The following AQP4 variants were observed in gnomAD, a reference collection of about 807,000 sequenced individuals.
AQP4 encodes aquaporin-4.
AQP4 carries 18 observed loss-of-function variants against 27.8 expected under a neutral mutation model. The observed-to-expected ratio is 0.65, with a 90% CI of 0.45 to 0.96. AQP4 has a LOEUF of 0.96. Ranked by LOEUF, AQP4 falls within the 40% of genes least tolerant of loss-of-function variation. The pLI is 0.00. For missense variants in AQP4, 412 were observed against 408.2 expected (o/e 1.01, Z -0.08); for synonymous variants, 141 against 142.9 (o/e 0.99, Z 0.10).
In AQP4 at chr18:26,853,561, T is replaced by G. The variant is rs1266606856; in HGVS notation, c.*2650A>C. 3 of 152,420 alleles carry G rather than the reference T, an allele frequency of 2.0e-5. No homozygotes were observed. 9.4% of individuals were successfully genotyped at this position (152,420 alleles called of 1,614,324 possible). A position where few individuals can be genotyped will look rare whatever the true frequency, so the allele number is the denominator to read the frequency against. ...TTCATGGCTGGGTATAATTCATTTA[T>G]GTCTTCCCAGTTTTTCCTCTCTGAT... is the stretch of plus-strand genomic sequence containing the variant. On this transcript the variant is annotated 3_prime_UTR_variant, in exon 5 of 5. Transcript: ENST00000383168.
At position 26,862,524 on chromosome 18, in the gene AQP4, C is replaced by G. The variant is rs1269230456; in HGVS notation, c.105G>C (p.Trp35Cys). The G allele has an allele frequency of 1.9e-6, 3 of 1,614,174 alleles. No homozygotes were observed. The highest frequency in any genetic ancestry group is 2.5e-6 in the Non-Finnish European group (3 of 1,180,040). The change falls in exon 2 of 5, where the codon TGG becomes TGC. Residue 35 changes from tryptophan to cysteine, a missense_variant. Coordinates refer to ENST00000383168, the MANE Select transcript of AQP4 (RefSeq NM_001650.7). ...AFKGVWTQAF[W>C]KAVTAEFLAM... ...CCAGAAATTCCGCTGTGACTGCTTT[C>G]CAGAAAGCTTGAGTCCAGACCCCTT...
chr18:26,861,030 G>A, intron 3 of AQP4, 101 bp downstream of exon 3: 1 of 1,466,292 alleles, frequency 6.8e-7, no homozygotes, highest in Admixed American at 1.7e-5. Flanking sequence ...GTCATGGCTG[G>A]ATACTAAAGA....
intron 4 of AQP4, among the ~76,000 whole-genome samples, chr18:26,859,565 A>C (rs890331309): frequency 3.3e-5 from 5 of 152,156 alleles, no homozygotes; most frequent in African/African-American, 1.2e-4. Flanking sequence ...AAAAATTTCC[A>C]TTTCTGTTAA....
Position 26,863,620 on chromosome 18 carries a change from G to A in AQP4, c.33-1024C>T, listed in dbSNP as rs534766701. Among the ~76,000 whole-genome samples, 6 of 152,354 alleles carry A rather than the reference G, an allele frequency of 3.9e-5. 1 individual carries two copies. The highest frequency in any genetic ancestry group is 1.4e-4 in the African/African-American group (6 of 41,594). On this transcript the variant is annotated intron_variant, in intron 1 of 4. Coordinates refer to ENST00000383168, the MANE Select transcript of AQP4 (RefSeq NM_001650.7). The stretch of plus-strand genomic sequence containing the variant: ...AATGCAGATAAACCTGCCAAAGGGA[G>A]CCTGGAGGCTGGGGTGTGCCAGCAA...
intron 1 of AQP4, among the ~76,000 whole-genome samples, chr18:26,863,664 GC>G (rs896190458): frequency 1.3e-5 from 2 of 152,230 alleles, no homozygotes; most frequent in Non-Finnish European, 2.9e-5. Flanking sequence ...TACCTTTCCT[GC>G]CTTCATGGTG....
intron 4 of AQP4, among the ~76,000 whole-genome samples, 165 bp from the exon 5 acceptor site, chr18:26,856,654 CA>C (rs2054850836): frequency 6.6e-6 from 1 of 152,186 alleles, no homozygotes; most frequent in Non-Finnish European, 1.5e-5. Flanking sequence ...AAAGCCTCAT[CA>C]GAGATCCATA....
chr18:26,856,906 G>A (rs1486527489), intron 4 of AQP4, among the ~76,000 whole-genome samples: 1 of 152,038 alleles, frequency 6.6e-6, no homozygotes, highest in African/African-American at 2.4e-5. Flanking sequence ...GCACAATCAT[G>A]ATCATAACAC....
chr18:26,864,844 C>G (rs577218577), intron 1 of AQP4, among the ~76,000 whole-genome samples: 1 of 152,086 alleles, frequency 6.6e-6, no homozygotes, highest in Non-Finnish European at 1.5e-5. Context: ...AAAAGGCCAG[C>G]CCCGCTGCTC....
At position 26,861,251 on chromosome 18, in the gene AQP4, C is replaced by T. The variant is rs1839318; in HGVS notation, c.492G>A (p.Leu164=). The change falls in exon 3 of 5, where the codon TTG becomes TTA. Residue 164 remains leucine, a synonymous_variant. Coordinates refer to ENST00000383168, the MANE Select transcript of AQP4 (RefSeq NM_001650.7). The part of the protein sequence containing the change: ...LTAGHGLLVE[L]IITFQLVFTI... Reference sequence around the variant, plus strand: ...TAAACACCAATTGAAATGTGATTATCAACTCAACCAGGAGACCATGACCAG... The same window carrying T: ...TAAACACCAATTGAAATGTGATTATTAACTCAACCAGGAGACCATGACCAG... The T allele has an allele frequency of 0.023, 37,684 of 1,614,006 alleles. 799 individuals are homozygous for T. The highest frequency in any genetic ancestry group is 0.095 in the South Asian group (8,631 of 91,076).
Position 26,862,224 on chromosome 18 carries a change from C to T in AQP4, c.405G>A (p.Leu135=), listed in dbSNP as rs760933830. ...GAIIGAGILY[L]VTPPSVVGGL... ...CTCCCACCACACTGGGAGGTGTGAC[C>T]AGATAGAGGATTCCTGCTCCAATGA... The change falls in exon 2 of 5, where the codon CTG becomes CTA. Residue 135 remains leucine (L), a synonymous_variant. Transcript: ENST00000383168. 1.9e-6 allele frequency: 3 copies of T among 1,614,080 alleles called. No individual in the cohort carries two copies. The highest frequency in any genetic ancestry group is 1.7e-6 in the Non-Finnish European group (2 of 1,180,024).
Position 26,862,330 on chromosome 18 carries a change from A to T in AQP4, c.299T>A (p.Val100Glu). 6.2e-7 allele frequency: 1 copy of T among 1,614,152 alleles called. No individual in the cohort carries two copies. The highest frequency in any genetic ancestry group is 1.1e-5 in the South Asian group (1 of 91,078). Residue 100 changes from valine to glutamate, a missense_variant, in exon 2 of 5, where the codon GTG becomes GAG. Val to Glu is a moderately radical substitution (Grantham distance 121). Coordinates refer to ENST00000383168, the MANE Select transcript of AQP4 (RefSeq NM_001650.7). ...HISGGHINPA[V>E]TVAMVCTRKI... The stretch of plus-strand genomic sequence containing the variant: ...CCTGGTGCACACCATGGCCACAGTC[A>T]CTGCAGGGTTGATGTGGCCACCGCT...
chr18:26,861,429 G>C, intron 2 of AQP4, 134 bp from the exon 3 acceptor site: 1 of 843,092 alleles, frequency 1.2e-6, no homozygotes, highest in Non-Finnish European at 1.9e-6. Context: ...CTTCAACTGA[G>C]AATTTCCTTC....
At position 26,856,230 on chromosome 18, in the gene AQP4, T is replaced by C; in HGVS notation, c.953A>G (p.Glu318Gly). Residue 318 changes from glutamate (E) to glycine (G), a missense_variant, in exon 5 of 5, where the codon GAG becomes GGG. Glu to Gly is a moderately conservative substitution (Grantham distance 98). Transcript: ENST00000383168. The stretch of plus-strand genomic sequence containing the variant: ...TTCTAGTCATACTGAAGACAATACC[T>C]CTCCAGATTGGTCTTTCCCCTTCTT... Reference protein sequence around the residue: ...EEKKGKDQSGEVLSSV With the variant: ...EEKKGKDQSGGVLSSV 6.2e-7 allele frequency: 1 copy of C among 1,614,168 alleles called. No individual in the cohort carries two copies. The highest frequency in any genetic ancestry group is 8.5e-7 in the Non-Finnish European group (1 of 1,180,024).
At chr18:26,857,964 G>C (rs2054873666) in intron 4 of AQP4, among the ~76,000 whole-genome samples, 1 of 152,158 alleles carries the variant, frequency 6.6e-6, no homozygotes, top group African/African-American at 2.4e-5. Context: ...TTTCAGACCT[G>C]TCTGACTTCA....
At chr18:26,860,679 G>T (rs558251398) in intron 4 of AQP4, 93 bp downstream of exon 4, 36 of 1,130,610 alleles carry the variant, frequency 3.2e-5, no homozygotes, top group Non-Finnish European at 4.0e-5. Context: ...AAATGCAAGA[G>T]AAAGTAGTAG....
At chr18:26,864,008 A>G (rs2055010668) in intron 1 of AQP4, among the ~76,000 whole-genome samples, 1 of 149,946 alleles carries the variant, frequency 6.7e-6, no homozygotes, top group African/African-American at 2.5e-5. Flanking sequence ...GGGGGGGGGC[A>G]ATTACCCCAG....
At chr18:26,856,750 T>G (rs971084440) in intron 4 of AQP4, among the ~76,000 whole-genome samples, 4 of 152,250 alleles carry the variant, frequency 2.6e-5, no homozygotes, top group Non-Finnish European at 4.4e-5. Context: ...CTTTCCATCT[T>G]ATGATAATCG....
Position 26,864,885 on chromosome 18 carries a change from C to T in AQP4, c.32+773G>A, listed in dbSNP as rs2055029283. 2.6e-5 allele frequency among the ~76,000 whole-genome samples: 4 copies of T among 152,268 alleles called. No individual in the cohort carries two copies. The South Asian group carries it at 6.2e-4, about 24-fold the overall frequency. ...CTTCACCTCTCACTTCTGCCATTTC[C>T]GGAGTTCTCTCCCTGCTTGGCCTGT... is the stretch of plus-strand genomic sequence containing the variant. On this transcript the variant is annotated intron_variant, in intron 1 of 4. Coordinates refer to ENST00000383168, the MANE Select transcript of AQP4 (RefSeq NM_001650.7).
chr18:26,852,681 A>G lies in AQP4; in HGVS notation c.*3530T>C. On this transcript the variant is annotated 3_prime_UTR_variant, in exon 5 of 5. Coordinates refer to ENST00000383168, the MANE Select transcript of AQP4 (RefSeq NM_001650.7). Reference sequence around the variant, plus strand: ...TGGTAACAAAAGAGAGTTTTGTTACATTACACTTTCCAAATAGTAACCACA... The same window carrying G: ...TGGTAACAAAAGAGAGTTTTGTTACGTTACACTTTCCAAATAGTAACCACA... 2.5e-6 allele frequency: 1 copy of G among 396,316 alleles called. No homozygotes were observed. Among genetic ancestry groups the G allele is most frequent in the Non-Finnish European group, 4.4e-6 (1 of 224,840 alleles). The allele number at this position is 396,316 out of a possible 1,614,324, so 24.5% of individuals were successfully genotyped here.
Sources: allele counts gnomAD v4.1 joint callset (sites outside exome capture counted in the v4.1 genomes callset), GRCh38; gene constraint gnomAD v4.1.1; transcripts MANE v1.5; gene names NCBI Gene and HGNC (gene_info 2026-07-23, HGNC 2026-07-21).